The following CMIP variants were observed in gnomAD, a reference collection of about 807,000 sequenced individuals.
CMIP encodes C-Maf-inducing protein.
CMIP carries 13 observed loss-of-function variants against 97.3 expected under a neutral mutation model. That is an observed-to-expected ratio of 0.13 (90% CI 0.09 to 0.21). The LOEUF is 0.21. CMIP is among the 10% of genes least tolerant of loss of function. The pLI, the probability that CMIP is intolerant of heterozygous loss-of-function variation, is 1.00. For missense variants in CMIP, 847 were observed against 1,024.9 expected, an observed-to-expected ratio of 0.83 and a Z score of 2.37; for synonymous variants, 538 against 436.3, an observed-to-expected ratio of 1.23 and a Z score of -2.91.
At chr16:81,545,300 C>T (rs571779437) in intron 1 of CMIP, among the ~76,000 whole-genome samples, 4 of 152,302 alleles carry the variant, frequency 2.6e-5, no homozygotes, top group Admixed American at 1.3e-4. Flanking sequence ...GTCCTGCAGA[C>T]GAACCCGTCC....
chr16:81,458,102 T>G (rs991713406), intron 1 of CMIP, among the ~76,000 whole-genome samples: 15 of 152,156 alleles, frequency 9.9e-5, no homozygotes, highest in Non-Finnish European at 2.2e-4. Context: ...AAAACCTGCT[T>G]CTTGTGCCCT....
intron 1 of CMIP, among the ~76,000 whole-genome samples, chr16:81,502,232 A>T (rs771535898): frequency 1.3e-5 from 2 of 152,166 alleles, no homozygotes; most frequent in African/African-American, 4.8e-5. Flanking sequence ...CATAACAAGG[A>T]TTAGGTGAGA....
intron 1 of CMIP, among the ~76,000 whole-genome samples, chr16:81,576,071 T>C (rs1411388025): frequency 6.6e-6 from 1 of 152,166 alleles, no homozygotes; most frequent in Non-Finnish European, 1.5e-5. Flanking sequence ...ATCTGAGATA[T>C]CTTGTAAGAT....
chr16:81,647,010 A>T (rs2092371287), intron 3 of CMIP, among the ~76,000 whole-genome samples: 1 of 152,218 alleles, frequency 6.6e-6, no homozygotes. Flanking sequence ...ATTTATGTAT[A>T]ATGTTTTAAG....
intron 4 of CMIP, among the ~76,000 whole-genome samples, chr16:81,654,162 T>C (rs2092458618): frequency 6.6e-6 from 1 of 152,078 alleles, no homozygotes; most frequent in South Asian, 2.1e-4. Flanking sequence ...TCGGGCAAGA[T>C]TTTTTTTCCC....
intron 1 of CMIP, among the ~76,000 whole-genome samples, chr16:81,569,266 T>C (rs951018921): frequency 5.9e-5 from 9 of 152,236 alleles, no homozygotes; most frequent in African/African-American, 1.9e-4. Context: ...TACTGTCTCA[T>C]TCTGGGGGTT....
chr16:81,663,079 C>T (rs555665842), intron 6 of CMIP, among the ~76,000 whole-genome samples: 5 of 144,794 alleles, frequency 3.5e-5, no homozygotes, highest in South Asian at 2.2e-4. Context: ...GCTCTCATCT[C>T]GTCTACTTTT....
chr16:81,491,516 A>G (rs1230504285), intron 1 of CMIP, among the ~76,000 whole-genome samples: 1 of 152,216 alleles, frequency 6.6e-6, no homozygotes. Context: ...AATTGCAAAA[A>G]CAGTATCAGT....
At chr16:81,491,770 G>T (rs1219669599) in intron 1 of CMIP, among the ~76,000 whole-genome samples, 2 of 152,182 alleles carry the variant, frequency 1.3e-5, no homozygotes, top group Non-Finnish European at 2.9e-5. Context: ...GGCTACTGAG[G>T]ATTGCTTGTA....
intron 9 of CMIP, among the ~76,000 whole-genome samples, chr16:81,675,253 G>C (rs1904289784): frequency 6.6e-6 from 1 of 152,174 alleles, no homozygotes; most frequent in Non-Finnish European, 1.5e-5. Context: ...ACCCAAGCTG[G>C]AGTGCGGTGG....
chr16:81,501,275 T>G (rs746328669), intron 1 of CMIP, among the ~76,000 whole-genome samples: 2 of 152,202 alleles, frequency 1.3e-5, no homozygotes, highest in African/African-American at 4.8e-5. Context: ...GAGAACAACT[T>G]TGGGTTGTGA....
chr16:81,703,825 C>G (rs918311726), intron 17 of CMIP, 114 bp from the exon 18 acceptor site: 2 of 1,402,778 alleles, frequency 1.4e-6, no homozygotes, highest in Admixed American at 2.4e-5. Context: ...TTACCGCCCC[C>G]CAGGAACAGC....
chr16:81,619,815 T>C (rs563494014), intron 2 of CMIP: 1 of 152,352 alleles, frequency 6.6e-6, no homozygotes, highest in East Asian at 1.9e-4. Flanking sequence ...CAGTACCGAC[T>C]TCACAGGGCT....
At chr16:81,565,687 A>G (rs1426407059) in intron 1 of CMIP, among the ~76,000 whole-genome samples, 1 of 152,088 alleles carries the variant, frequency 6.6e-6, no homozygotes, top group Non-Finnish European at 1.5e-5. Context: ...GGGGAGATTC[A>G]GAGGGGCAGG....
intron 1 of CMIP, among the ~76,000 whole-genome samples, chr16:81,501,673 GTGATCTC>G (rs2089615790): frequency 6.7e-6 from 1 of 149,078 alleles, no homozygotes; most frequent in South Asian, 2.1e-4. Flanking sequence ...GTGCAGTGTC[GTGATCTC>G]AGCTCACTGC....
intron 1 of CMIP, among the ~76,000 whole-genome samples, chr16:81,448,571 T>C (rs1906011244): frequency 6.6e-6 from 1 of 152,204 alleles, no homozygotes; most frequent in Non-Finnish European, 1.5e-5. Flanking sequence ...CTGTAAACTT[T>C]GCCTCCTGTG....
chr16:81,563,728 T>A (rs1240664871), intron 1 of CMIP, among the ~76,000 whole-genome samples: 2 of 152,194 alleles, frequency 1.3e-5, no homozygotes, highest in Non-Finnish European at 2.9e-5. Context: ...TCTCCTAGAC[T>A]CTTAGCTATT....
intron 1 of CMIP, among the ~76,000 whole-genome samples, chr16:81,488,343 G>T (rs753663723): frequency 2.6e-5 from 4 of 152,156 alleles, no homozygotes; most frequent in Non-Finnish European, 5.9e-5. Context: ...GAGTCCCTGT[G>T]CCTCAGTTTC....
Position 81,445,556 on chromosome 16 carries a change from G to C in CMIP, c.300+15G>C. On this transcript the variant is annotated intron_variant, in intron 1 of 20. Transcript: ENST00000537098. Reference sequence around the variant, plus strand: ...CGTCCGCCACGGTGAGTGGCTCTGCGCGGCTGCACCCCCGCCTCTCCTCGG... The same window carrying C: ...CGTCCGCCACGGTGAGTGGCTCTGCCCGGCTGCACCCCCGCCTCTCCTCGG... 6.5e-7 allele frequency: 1 copy of C among 1,533,928 alleles called. No individual in the cohort carries two copies. Among genetic ancestry groups the C allele is most frequent in the Non-Finnish European group, 8.8e-7 (1 of 1,141,392 alleles).
Sources: allele counts gnomAD v4.1 joint callset (sites outside exome capture counted in the v4.1 genomes callset), GRCh38; gene constraint gnomAD v4.1.1; transcripts MANE v1.5; gene names NCBI Gene and HGNC (gene_info 2026-07-23, HGNC 2026-07-21).